The following UBXN2A variants were observed in gnomAD, a reference collection of about 807,000 sequenced individuals.
The protein encoded by UBXN2A is UBX domain protein 2A.
A neutral mutation model predicts 28.4 loss-of-function variants in UBXN2A; 28 were observed. The ratio of observed to expected loss-of-function variants is 0.99; its 90% CI spans 0.73 to 1.35. The LOEUF is 1.35. Ranked by LOEUF, UBXN2A falls within the 40% of genes most tolerant of loss-of-function variation. The probability of loss-of-function intolerance (pLI) is 0.00; values close to 1 mark genes in which losing one functional copy is unlikely to be tolerated. For synonymous variants in UBXN2A, 97 were observed against 103.6 expected (o/e 0.94, Z 0.39); for missense variants, 253 against 297.9 (o/e 0.85, Z 1.11).
At chr2:23,945,999 T>G (rs1408389009) in intron 1 of UBXN2A, among the ~76,000 whole-genome samples, 1 of 151,654 alleles carries the variant, frequency 6.6e-6, no homozygotes, top group Non-Finnish European at 1.5e-5. Context: ...GTCCGGCTAG[T>G]TTTTGTATTT....
At chr2:23,959,388 A>G (rs1026427625) in intron 2 of UBXN2A, among the ~76,000 whole-genome samples, 1 of 152,132 alleles carries the variant, frequency 6.6e-6, no homozygotes, top group African/African-American at 2.4e-5. Context: ...GCTACTCAGG[A>G]GGCTGAGGCA....
Position 24,002,402 on chromosome 2 carries a change from C to T in UBXN2A, c.*2535C>T, listed in dbSNP as rs1409461308. The T allele has an allele frequency of 1.3e-5, 2 of 149,862 alleles. No individual in the cohort carries two copies. The highest frequency in any genetic ancestry group is 2.5e-5 in the African/African-American group (1 of 40,524). The allele number at this position is 149,862 out of a possible 1,614,324, so 9.3% of individuals were successfully genotyped here. On this transcript the variant is annotated 3_prime_UTR_variant, in exon 7 of 7. Transcript: ENST00000309033. ...CTTAGGCAACAGAGTAAGACCCTGC[C>T]GTAATAATAATAACTTTTTTTTTTT... is the stretch of plus-strand genomic sequence containing the variant.
intron 1 of UBXN2A, among the ~76,000 whole-genome samples, chr2:23,952,128 G>A (rs927836041): frequency 2.6e-5 from 4 of 151,644 alleles, no homozygotes; most frequent in African/African-American, 4.8e-5. Context: ...CATCACACCC[G>A]CCTAATTTTT....
chr2:23,971,913 A>G (rs1328701550), intron 3 of UBXN2A, among the ~76,000 whole-genome samples: 2 of 152,074 alleles, frequency 1.3e-5, no homozygotes, highest in Non-Finnish European at 2.9e-5. Flanking sequence ...AGTCTGGGCA[A>G]TAAAGCAAGA....
intron 2 of UBXN2A, among the ~76,000 whole-genome samples, chr2:23,962,023 T>C (rs1402777727): frequency 6.6e-6 from 1 of 151,954 alleles, no homozygotes; most frequent in African/African-American, 2.4e-5. Flanking sequence ...TTTTGTACTT[T>C]TAGTAGAGAT....
chr2:23,953,424 T>C (rs981073165), intron 1 of UBXN2A, among the ~76,000 whole-genome samples: 4 of 152,190 alleles, frequency 2.6e-5, no homozygotes, highest in South Asian at 2.1e-4. Flanking sequence ...GTTCCAGTTA[T>C]AGTATTCATC....
intron 1 of UBXN2A, among the ~76,000 whole-genome samples, chr2:23,947,257 G>T (rs1270140117): frequency 1.3e-5 from 2 of 152,154 alleles, no homozygotes; most frequent in Non-Finnish European, 2.9e-5. Flanking sequence ...TTTCCTGTTA[G>T]TGGACATGTT....
intron 2 of UBXN2A, among the ~76,000 whole-genome samples, chr2:23,964,971 T>A (rs1707103214): frequency 6.6e-6 from 1 of 152,112 alleles, no homozygotes; most frequent in Non-Finnish European, 1.5e-5. Flanking sequence ...TGGTAAACCC[T>A]CATGCCTACA....
At chr2:23,973,483 C>T (rs1487811699) in intron 3 of UBXN2A, among the ~76,000 whole-genome samples, 5 of 151,280 alleles carry the variant, frequency 3.3e-5, no homozygotes, top group South Asian at 2.1e-4. Context: ...GGACTACAAG[C>T]GCCCGCCACC....
At chr2:23,971,493 A>G (rs1459825535) in intron 3 of UBXN2A, 79 bp downstream of exon 3, 7 of 1,397,660 alleles carry the variant, frequency 5.0e-6, no homozygotes, top group Non-Finnish European at 6.6e-6. Flanking sequence ...CCTAAGGTCA[A>G]AATTGTTTTG....
chr2:23,962,460 A>T (rs1346542773), intron 2 of UBXN2A, among the ~76,000 whole-genome samples: 1 of 152,204 alleles, frequency 6.6e-6, no homozygotes, highest in Non-Finnish European at 1.5e-5. Context: ...AGTTACCAAA[A>T]TATATATCAG....
At chr2:23,988,122 C>CAAAAAA (rs34140980) in intron 6 of UBXN2A, among the ~76,000 whole-genome samples, 1 of 121,046 alleles carries the variant, frequency 8.3e-6, no homozygotes, top group Non-Finnish European at 1.7e-5. Flanking sequence ...GGCTCCATCT[C>CAAAAAA]AAAAAAAAAA....
At chr2:23,984,226 A>G (rs969916909) in intron 5 of UBXN2A, among the ~76,000 whole-genome samples, 2 of 152,212 alleles carry the variant, frequency 1.3e-5, no homozygotes, top group Non-Finnish European at 2.9e-5. Flanking sequence ...TCATCCACAC[A>G]TACAAATATA....
Position 23,945,832 on chromosome 2 carries a change from T to C in UBXN2A, c.-15+5184T>C, listed in dbSNP as rs558515198. Among the ~76,000 whole-genome samples the C allele has an allele frequency of 4.0e-5, 6 of 148,296 alleles. No individual in the cohort carries two copies. In the East Asian group the frequency reaches 9.7e-4, roughly 24 times the overall value. ...ATTTAATTCTTTTTTTTTCTTCTCTTTTTTTTTTTTTGAGACAGGGTCTCA... is the reference window on the plus strand; with the variant it reads ...ATTTAATTCTTTTTTTTTCTTCTCTCTTTTTTTTTTTGAGACAGGGTCTCA... On this transcript the variant is annotated intron_variant, in intron 1 of 6. Transcript: ENST00000309033.
chr2:23,999,791 A>T lies in UBXN2A; in HGVS notation c.704A>T (p.Glu235Val), dbSNP rs761612072. Residue 235 changes from glutamate to valine, a missense_variant, in exon 7 of 7, where the codon GAA (glutamate) becomes GTA (valine). Coordinates refer to ENST00000309033, the MANE Select transcript of UBXN2A (RefSeq NM_181713.4). The stretch of plus-strand genomic sequence containing the variant: ...CTAGATGAGACACTCACACTGGAAG[A>T]AGCAGATTTACAGAATGCTGTCATC... ...RLLDETLTLE[E>V]ADLQNAVIIQ... is the part of the protein sequence containing the mutation. 5.6e-6 allele frequency: 9 copies of T among 1,614,210 alleles called. No individual in the cohort carries two copies. Among genetic ancestry groups the T allele is most frequent in the Non-Finnish European group, 7.6e-6 (9 of 1,180,038 alleles).
chr2:23,966,456 C>CT (rs79851837), intron 2 of UBXN2A, among the ~76,000 whole-genome samples: 3,152 of 122,880 alleles, frequency 0.026, 61 homozygotes, highest in African/African-American at 0.043. Context: ...TTCTTTTTTT[C>CT]TTTTTTTTTT....
intron 6 of UBXN2A, 128 bp downstream of exon 6, chr2:23,984,959 T>C: frequency 1.0e-6 from 1 of 981,886 alleles, no homozygotes. Flanking sequence ...CAGAGTGCAG[T>C]GGCACAGTCA....
chr2:23,939,814 T>A (rs951472885), upstream of UBXN2A, among the ~76,000 whole-genome samples: 1 of 152,062 alleles, frequency 6.6e-6, no homozygotes, highest in African/African-American at 2.4e-5. Flanking sequence ...TAAGTCCTTT[T>A]AGGAACACAA....
At chr2:23,978,706 G>C (rs763965213) in intron 4 of UBXN2A, among the ~76,000 whole-genome samples, 1 of 152,096 alleles carries the variant, frequency 6.6e-6, no homozygotes, top group Non-Finnish European at 1.5e-5. Flanking sequence ...GCTTACGCCT[G>C]TAATCCCAGC....
Sources: allele counts gnomAD v4.1 joint callset (sites outside exome capture counted in the v4.1 genomes callset), GRCh38; gene constraint gnomAD v4.1.1; transcripts MANE v1.5; gene names NCBI Gene and HGNC (gene_info 2026-07-23, HGNC 2026-07-21).